The following CSMD1 variants were observed in gnomAD, a reference collection of about 807,000 sequenced individuals.
The protein encoded by CSMD1 is CUB and sushi domain-containing protein 1.
CSMD1 carries 213 observed loss-of-function variants against 417.5 expected under a neutral mutation model. That is an observed-to-expected ratio of 0.51 (90% CI 0.46 to 0.57). The LOEUF is 0.57. Ranked by LOEUF, CSMD1 falls within the 20% of genes least tolerant of loss-of-function variation. The pLI is 0.00. For missense variants in CSMD1, 6,923 were observed against 4,529.7 expected, an observed-to-expected ratio of 1.53 and a Z score of -15.17; for synonymous variants, 2,862 against 1,736.8, an observed-to-expected ratio of 1.65 and a Z score of -16.11.
At chr8:3,103,306 G>T (rs996568011) in intron 46 of CSMD1, among the ~76,000 whole-genome samples, 1 of 151,994 alleles carries the variant, frequency 6.6e-6, no homozygotes, top group Non-Finnish European at 1.5e-5. Context: ...CTCGTTATTG[G>T]GACATGAAAA....
chr8:3,963,434 G>A (rs1341352708), intron 5 of CSMD1, among the ~76,000 whole-genome samples: 1 of 152,066 alleles, frequency 6.6e-6, no homozygotes. Context: ...TATCTCGCTG[G>A]TCTCTTTGTC....
At chr8:3,524,720 GCACA>G (rs199781035) in intron 10 of CSMD1, among the ~76,000 whole-genome samples, 2 of 136,676 alleles carry the variant, frequency 1.5e-5, no homozygotes, top group African/African-American at 5.5e-5. Context: ...GCACATACAT[GCACA>G]CACACACATG....
chr8:3,356,299 T>C (rs1808786350), intron 21 of CSMD1, among the ~76,000 whole-genome samples: 2 of 152,206 alleles, frequency 1.3e-5, no homozygotes, highest in African/African-American at 4.8e-5. Flanking sequence ...GAAAGCAATT[T>C]TCCTCTTTTG....
chr8:3,461,310 C>T (rs555718347), intron 12 of CSMD1, among the ~76,000 whole-genome samples: 17 of 152,292 alleles, frequency 1.1e-4, no homozygotes, highest in South Asian at 4.1e-4. Flanking sequence ...TGAGGGAATG[C>T]GCTTCTGAAG....
rs185669597 is a variant in CSMD1, at chr8:4,134,238, G to A, written c.416-102139C>T. Among the ~76,000 whole-genome samples the A allele has an allele frequency of 5.5e-4, 84 of 152,266 alleles. No individual in the cohort carries two copies. In the East Asian group the frequency reaches 8.5e-3, roughly 15 times the overall value. The stretch of plus-strand genomic sequence containing the variant: ...GCTGAATTGTGTCTCCCCAGAGTTC[G>A]TATGCTGATATATTAAATGCCATTG... On this transcript the variant is annotated intron_variant, in intron 3 of 69. Transcript: ENST00000635120.
intron 5 of CSMD1, among the ~76,000 whole-genome samples, chr8:3,896,321 G>T (rs148596160): frequency 1.3e-5 from 2 of 152,242 alleles, no homozygotes; most frequent in African/African-American, 4.8e-5. Context: ...TGTATTTCCA[G>T]ATTTCCATAT....
rs1801962894 is a variant in CSMD1 at position 4,364,611 on chromosome 8, T to A, written c.415+55342A>T. Among the ~76,000 whole-genome samples, 4 of 17,496 alleles carry A rather than the reference T, an allele frequency of 2.3e-4. No homozygotes were observed. The South Asian group carries it at 3.9e-3, about 17-fold the overall frequency. 11.5% of individuals were successfully genotyped at this position (17,496 alleles called of 152,430 possible). A position where few individuals can be genotyped will look rare whatever the true frequency, so the allele number is the denominator to read the frequency against. ...AGGCCGAGGCGGGCGGATCACGAGGTCAGGAGATCGAGACCATCCCGGCTA... is the reference window on the plus strand; with the variant it reads ...AGGCCGAGGCGGGCGGATCACGAGGACAGGAGATCGAGACCATCCCGGCTA... On this transcript the variant is annotated intron_variant, in intron 3 of 69. Transcript: ENST00000635120.
At chr8:4,056,751 G>A (rs1006930198) in intron 3 of CSMD1, among the ~76,000 whole-genome samples, 2 of 151,356 alleles carry the variant, frequency 1.3e-5, no homozygotes, top group African/African-American at 4.9e-5. Context: ...CGTTCTCATT[G>A]TTCAATTCCC....
At chr8:3,879,912 G>C (rs572643891) in intron 5 of CSMD1, among the ~76,000 whole-genome samples, 17 of 152,104 alleles carry the variant, frequency 1.1e-4, no homozygotes, top group Middle Eastern at 6.8e-3. Context: ...CCCCTATAAC[G>C]AAATAGTGCT....
At chr8:3,344,157 C>G (rs1170912050) in intron 22 of CSMD1, among the ~76,000 whole-genome samples, 3 of 152,168 alleles carry the variant, frequency 2.0e-5, no homozygotes, top group Non-Finnish European at 2.9e-5. Flanking sequence ...AGGGAAGGTT[C>G]AGTCATGGGT....
At chr8:4,267,598 A>G (rs1309684737) in intron 3 of CSMD1, among the ~76,000 whole-genome samples, 1 of 152,018 alleles carries the variant, frequency 6.6e-6, no homozygotes, top group East Asian at 1.9e-4. Flanking sequence ...CTTGGTTGGT[A>G]GAAAAAAATG....
chr8:3,729,029 C>G (rs1802660791), intron 6 of CSMD1, among the ~76,000 whole-genome samples: 1 of 152,152 alleles, frequency 6.6e-6, no homozygotes, highest in Non-Finnish European at 1.5e-5. Context: ...GCCAAACCGA[C>G]CAGCAAAACT....
At chr8:4,482,996 G>C (rs924358402) in intron 2 of CSMD1, among the ~76,000 whole-genome samples, 15 of 152,136 alleles carry the variant, frequency 9.9e-5, no homozygotes, top group African/African-American at 2.4e-4. Flanking sequence ...TAGTAAAATA[G>C]TTTAGCAATT....
chr8:3,602,287 C>G (rs746677460), intron 8 of CSMD1, among the ~76,000 whole-genome samples: 2 of 152,010 alleles, frequency 1.3e-5, no homozygotes, highest in Non-Finnish European at 2.9e-5. Context: ...CCAGGAAAAC[C>G]AGATCACTTT....
chr8:3,663,556 C>T (rs1448256622), intron 7 of CSMD1, among the ~76,000 whole-genome samples: 1 of 152,150 alleles, frequency 6.6e-6, no homozygotes, highest in Non-Finnish European at 1.5e-5. Flanking sequence ...GGCCAACCTG[C>T]CTCCAACTCT....
intron 7 of CSMD1, among the ~76,000 whole-genome samples, chr8:3,636,194 G>T (rs945194803): frequency 2.6e-5 from 4 of 152,148 alleles, no homozygotes; most frequent in African/African-American, 9.7e-5. Context: ...TTTGCATCTT[G>T]TCCCATTGGA....
At chr8:4,556,745 G>C (rs1016506667) in intron 2 of CSMD1, among the ~76,000 whole-genome samples, 1 of 152,124 alleles carries the variant, frequency 6.6e-6, no homozygotes, top group Non-Finnish European at 1.5e-5. Context: ...GCATCGCAAA[G>C]TCGAAAACCT....
intron 3 of CSMD1, among the ~76,000 whole-genome samples, chr8:4,251,850 G>T (rs923895976): frequency 6.9e-6 from 1 of 144,498 alleles, no homozygotes; most frequent in Non-Finnish European, 1.5e-5. Context: ...GATGCAGGAG[G>T]AGAGATGGAG....
intron 3 of CSMD1, among the ~76,000 whole-genome samples, chr8:4,270,672 C>A (rs111376283): frequency 6.6e-6 from 1 of 152,134 alleles, no homozygotes; most frequent in Non-Finnish European, 1.5e-5. Context: ...CAATGTAGCT[C>A]CTTTCTTCTA....
Sources: gnomAD v4.1 joint callset for allele counts (sites outside exome capture counted in the v4.1 genomes callset) on GRCh38, gnomAD v4.1.1 for gene constraint, MANE v1.5 for transcripts, NCBI Gene and HGNC (gene_info 2026-07-23, HGNC 2026-07-21) for gene names.